CEP192: variants seen among roughly 807,000 people sequenced by gnomAD.
The protein encoded by CEP192 is centrosomal protein 192.
CEP192 carries 151 observed loss-of-function variants against 271.8 expected under a neutral mutation model. The ratio of observed to expected loss-of-function variants is 0.56; its 90% CI spans 0.49 to 0.64. The LOEUF (loss-of-function observed/expected upper bound fraction) is 0.64, where lower values mean the gene tolerates loss of function less well. CEP192 is among the 30% of genes least tolerant of loss of function. The probability of loss-of-function intolerance (pLI) is 0.00; values close to 1 mark genes in which losing one functional copy is unlikely to be tolerated. For synonymous variants in CEP192, 995 were observed against 1,076.5 expected (o/e 0.92, Z 1.48); for missense variants, 2,910 against 3,020.5 (o/e 0.96, Z 0.86).
chr18:13,050,553 C>T (rs2036726684), intron 17 of CEP192, among the ~76,000 whole-genome samples: 1 of 151,744 alleles, frequency 6.6e-6, no homozygotes, highest in African/African-American at 2.4e-5. Context: ...TACACAGTCA[C>T]TTCTTATTTA....
chr18:13,087,676 A>G, intron 32 of CEP192, 30 bp downstream of exon 32: 2 of 1,170,348 alleles, frequency 1.7e-6, no homozygotes, highest in Non-Finnish European at 2.4e-6. Flanking sequence ...CAATGTTGGG[A>G]ACCATTCAGC....
chr18:13,057,589 TGTCCGAGTGCCCGAGGA>T lies in CEP192; in HGVS notation c.4116_4132del (p.Arg1373GlufsTer20). The T allele has an allele frequency of 6.2e-7, 1 of 1,613,858 alleles. No homozygotes were observed. Among genetic ancestry groups the T allele is most frequent in the Non-Finnish European group, 8.5e-7 (1 of 1,179,918 alleles). On this transcript the variant is annotated frameshift_variant, in exon 20 of 45. Coordinates refer to ENST00000506447, the MANE Select transcript of CEP192 (RefSeq NM_032142.4). LOFTEE classifies it high-confidence loss of function. ...CTGTGCCTTATTCTCACCCAGGGAG[TGTCCGAGTGCCCGAGGA>T]GTTGAAGCTTCCTCATGCTTGCTGT...
chr18:13,045,891 A>G (rs2036447776), intron 15 of CEP192, among the ~76,000 whole-genome samples: 1 of 152,080 alleles, frequency 6.6e-6, no homozygotes, highest in Non-Finnish European at 1.5e-5. Context: ...TTAGCATGTT[A>G]TATTTTTTGC....
chr18:12,992,609 G>A (rs2145717351), intron 1 of CEP192, among the ~76,000 whole-genome samples: 1 of 152,326 alleles, frequency 6.6e-6, no homozygotes, highest in Non-Finnish European at 1.5e-5. Context: ...AATAATGTGA[G>A]AAATTAAAGG....
intron 13 of CEP192, among the ~76,000 whole-genome samples, chr18:13,040,257 C>T (rs2036132959): frequency 6.6e-6 from 1 of 152,122 alleles, no homozygotes; most frequent in Non-Finnish European, 1.5e-5. Context: ...ATATTAATCA[C>T]AATTAATAAA....
intron 30 of CEP192, among the ~76,000 whole-genome samples, 195 bp downstream of exon 30, chr18:13,073,380 C>T (rs976509719): frequency 2.0e-5 from 3 of 152,160 alleles, no homozygotes; most frequent in African/African-American, 4.8e-5. Flanking sequence ...CGTAGTATTC[C>T]TATAAGTATT....
chr18:13,026,827 T>A (rs2035328824), intron 9 of CEP192, among the ~76,000 whole-genome samples: 1 of 152,244 alleles, frequency 6.6e-6, no homozygotes, highest in South Asian at 2.1e-4. Flanking sequence ...ATATTCATCA[T>A]AATTGTTTTT....
intron 13 of CEP192, among the ~76,000 whole-genome samples, chr18:13,039,299 T>C (rs944968408): frequency 1.3e-4 from 19 of 151,740 alleles, no homozygotes; most frequent in African/African-American, 4.4e-4. Context: ...ACCAAAACTA[T>C]AAAAAATTAG....
At chr18:13,024,999 T>C (rs910819341) in intron 9 of CEP192, among the ~76,000 whole-genome samples, 7 of 151,834 alleles carry the variant, frequency 4.6e-5, no homozygotes, top group Admixed American at 3.9e-4. Flanking sequence ...CTCGAACTCC[T>C]GACCTCAAGT....
At chr18:13,048,462 C>A (rs1187590243) in intron 15 of CEP192, among the ~76,000 whole-genome samples, 2 of 152,126 alleles carry the variant, frequency 1.3e-5, no homozygotes, top group Non-Finnish European at 2.9e-5. Flanking sequence ...GAGGAGCTAT[C>A]AAGTGCTTCC....
At chr18:13,059,518 T>C (rs1414573377) in intron 21 of CEP192, among the ~76,000 whole-genome samples, 1 of 152,242 alleles carries the variant, frequency 6.6e-6, no homozygotes, top group African/African-American at 2.4e-5. Context: ...CTTGCTTAGA[T>C]ATCTATAAAG....
At chr18:13,095,472 C>CT (rs765508185) in intron 34 of CEP192, 31 bp from the exon 35 acceptor site, 25 of 1,558,978 alleles carry the variant, frequency 1.6e-5, no homozygotes, top group Non-Finnish European at 2.1e-5. Flanking sequence ...TTCTTCATGT[C>CT]TAACTTTTTC....
chr18:13,068,882 CA>C lies in CEP192; in HGVS notation c.4857del (p.Val1620LeufsTer17). On this transcript the variant is annotated frameshift_variant, in exon 25 of 45. Coordinates refer to ENST00000506447, the MANE Select transcript of CEP192 (RefSeq NM_032142.4). LOFTEE classifies it high-confidence loss of function. ...DILDSAEEFS[A>X]KVDIEVDSPN... ...CTGGACTCAGCAGAAGAATTCTCGG[CA>C]AAAGTTGATATCGAAGTTGACAGCC... The C allele has an allele frequency of 6.2e-7, 1 of 1,614,124 alleles. No individual in the cohort carries two copies. The highest frequency in any genetic ancestry group is 1.1e-5 in the South Asian group (1 of 91,076).
Position 13,124,872 on chromosome 18 carries a change from G to T in CEP192, c.*102G>T. 1 of 937,164 alleles carries T rather than the reference G, an allele frequency of 1.1e-6. No individual in the cohort carries two copies. Among genetic ancestry groups the T allele is most frequent in the Non-Finnish European group, 1.6e-6 (1 of 641,162 alleles). The allele number at this position is 937,164 out of a possible 1,614,324, so 58.1% of individuals were successfully genotyped here. Reference sequence around the variant, plus strand: ...CTTTTGTATATATATTTTGTATGATGGATATCTATAATTGTAGATTTTGTT... The same window carrying T: ...CTTTTGTATATATATTTTGTATGATTGATATCTATAATTGTAGATTTTGTT... On this transcript the variant is annotated 3_prime_UTR_variant, in exon 45 of 45. Coordinates refer to ENST00000506447, the MANE Select transcript of CEP192 (RefSeq NM_032142.4).
intron 28 of CEP192, among the ~76,000 whole-genome samples, chr18:13,071,650 C>T (rs954350201): frequency 2.0e-5 from 3 of 152,086 alleles, no homozygotes; most frequent in Admixed American, 6.5e-5. Flanking sequence ...CCGACCACAC[C>T]GAATGGAGCA....
At chr18:13,015,846 A>G (rs553143217) in intron 6 of CEP192, among the ~76,000 whole-genome samples, 1 of 151,994 alleles carries the variant, frequency 6.6e-6, no homozygotes, top group East Asian at 1.9e-4. Flanking sequence ...CCTGGGTTCA[A>G]GTGATTCACC....
chr18:13,068,996 C>T lies in CEP192; in HGVS notation c.4962+5C>T, dbSNP rs867158811. ...CATGCTCCCAGGGACTTGCAGGTAG[C>T]CTCAGTCCTCCTTTCTGCCGTTACT... On this transcript the variant is annotated splice_donor_5th_base_variant and intron_variant, in intron 25 of 44. Transcript: ENST00000506447. 5 of 1,614,068 alleles carry T rather than the reference C, an allele frequency of 3.1e-6. No individual in the cohort carries two copies. Among genetic ancestry groups the T allele is most frequent in the African/African-American group, 1.3e-5 (1 of 74,928 alleles).
Position 13,087,539 on chromosome 18 carries a change from T to C in CEP192, c.5886T>C (p.Thr1962=). ...VLKERTQENV[T]LIYNPSDRGI... is the part of the protein sequence containing the mutation. ...TTTTTTCTTGGCATCAGAATGTTAC[T>C]TTAATATATAATCCATCAGACAGAG... Residue 1962 remains threonine (T), a synonymous_variant, in exon 32 of 45, where the codon ACT becomes ACC. Transcript: ENST00000506447. The C allele has an allele frequency of 7.0e-7, 1 of 1,432,044 alleles. No homozygotes were observed. Among genetic ancestry groups the C allele is most frequent in the East Asian group, 2.3e-5 (1 of 43,408 alleles). 88.7% of individuals were successfully genotyped at this position (1,432,044 alleles called of 1,614,324 possible).
chr18:13,110,640 C>G (rs1374635267), intron 40 of CEP192, among the ~76,000 whole-genome samples: 1 of 152,118 alleles, frequency 6.6e-6, no homozygotes, highest in Non-Finnish European at 1.5e-5. Flanking sequence ...ACATTATTAA[C>G]AAGGCAAAGT....
Sources: allele counts gnomAD v4.1 joint callset (sites outside exome capture counted in the v4.1 genomes callset), GRCh38; gene constraint gnomAD v4.1.1; transcripts MANE v1.5; gene names NCBI Gene and HGNC (gene_info 2026-07-23, HGNC 2026-07-21).